ARID3A: variants seen among roughly 807,000 people sequenced by gnomAD.
ARID3A encodes AT-rich interaction domain 3A.
A neutral mutation model predicts 52.7 loss-of-function variants in ARID3A; 11 were observed. The observed-to-expected ratio is 0.21, with a 90% confidence interval of 0.13 to 0.35. The LOEUF (loss-of-function observed/expected upper bound fraction) is 0.35, where lower values mean the gene tolerates loss of function less well. Among genes scored for constraint, ARID3A ranks in the 10% least tolerant of loss-of-function variants. The pLI, the probability that ARID3A is intolerant of heterozygous loss-of-function variation, is 1.00. For synonymous variants in ARID3A, 404 were observed against 359.4 expected (o/e 1.12, Z -1.40); for missense variants, 721 against 838.5 (o/e 0.86, Z 1.73).
intron 3 of ARID3A, among the ~76,000 whole-genome samples, chr19:945,542 A>G (rs1384723511): frequency 1.3e-5 from 2 of 152,172 alleles, no homozygotes; most frequent in Non-Finnish European, 2.9e-5. Context: ...GCTGCTGCCC[A>G]TGGTAGGGGC....
intron 2 of ARID3A, among the ~76,000 whole-genome samples, chr19:931,769 C>T (rs1348243197): frequency 7.3e-5 from 11 of 149,794 alleles, no homozygotes; most frequent in South Asian, 2.2e-4. Flanking sequence ...GCCGAGATTG[C>T]GCCGTTGCAC....
chr19:935,814 G>T (rs368725013), intron 3 of ARID3A, among the ~76,000 whole-genome samples: 3 of 151,852 alleles, frequency 2.0e-5, no homozygotes, highest in Admixed American at 2.0e-4. Context: ...TTTTTGAGAC[G>T]GAGTCTCGCT....
intron 2 of ARID3A, among the ~76,000 whole-genome samples, chr19:931,153 G>C (rs1020826807): frequency 6.6e-6 from 1 of 152,072 alleles, no homozygotes; most frequent in African/African-American, 2.4e-5. Context: ...AATTAGTCGG[G>C]TGTTGTGGCA....
rs2038124181 is a variant in ARID3A at position 965,214 on chromosome 19, C to G, written c.1198+134C>G. 1.1e-5 allele frequency: 12 copies of G among 1,048,262 alleles called. No individual in the cohort carries two copies. In the East Asian group the frequency reaches 3.2e-4, roughly 28 times the overall value. The allele number at this position is 1,048,262 out of a possible 1,614,324, so 64.9% of individuals were successfully genotyped here. A position where few individuals can be genotyped will look rare whatever the true frequency, so the allele number is the denominator to read the frequency against. On this transcript the variant is annotated intron_variant, in intron 6 of 8. Transcript: ENST00000263620. Reference sequence around the variant, plus strand: ...CTATAGTTGGCATGGAAAAGGGCTTCCAATCTACCAGTCCTCTGCCTATGG... The same window carrying G: ...CTATAGTTGGCATGGAAAAGGGCTTGCAATCTACCAGTCCTCTGCCTATGG...
At position 942,366 on chromosome 19, in the gene ARID3A, G is replaced by A. The variant is rs996970501; in HGVS notation, c.693+9624G>A. The stretch of plus-strand genomic sequence containing the variant: ...GGTGGCACCCAGGGGCGTCACCCAC[G>A]AGGGACGCTTGACTCAAGGTCCTCT... On this transcript the variant is annotated intron_variant, in intron 3 of 8. Coordinates refer to ENST00000263620, the MANE Select transcript of ARID3A (RefSeq NM_005224.3). This position sits in a 1 kb window ranked among gnomAD's most constrained non-coding sequence, Gnocchi z 8.1. Among the ~76,000 whole-genome samples, 3 of 152,284 alleles carry A rather than the reference G, an allele frequency of 2.0e-5. No homozygotes were observed. The highest frequency in any genetic ancestry group is 1.9e-4 in the East Asian group (1 of 5,178).
At chr19:953,864 A>G (rs1027349758) in intron 3 of ARID3A, among the ~76,000 whole-genome samples, 1 of 152,180 alleles carries the variant, frequency 6.6e-6, no homozygotes, top group Admixed American at 6.5e-5. Context: ...ACTTAAGGCC[A>G]GGAGTTTGAG....
intron 6 of ARID3A, among the ~76,000 whole-genome samples, chr19:965,916 C>T (rs1257656640): frequency 6.6e-6 from 1 of 151,244 alleles, no homozygotes; most frequent in East Asian, 1.9e-4. Flanking sequence ...CGCTTGAACC[C>T]AGGTGGCAGA....
intron 7 of ARID3A, among the ~76,000 whole-genome samples, chr19:967,440 C>G (rs1178970975): frequency 1.3e-5 from 2 of 151,498 alleles, no homozygotes; most frequent in Non-Finnish European, 2.9e-5. Flanking sequence ...GCTCCTGTAG[C>G]CCCAGCTACT....
At chr19:933,411 G>A (rs1018443212) in intron 3 of ARID3A, among the ~76,000 whole-genome samples, 2 of 152,160 alleles carry the variant, frequency 1.3e-5, no homozygotes, top group African/African-American at 4.8e-5. Context: ...AAGTTGGGCC[G>A]TGCTGGGCCG....
At chr19:932,204 A>G (rs970647058) in intron 2 of ARID3A, among the ~76,000 whole-genome samples, 1 of 152,018 alleles carries the variant, frequency 6.6e-6, no homozygotes, top group African/African-American at 2.4e-5. Flanking sequence ...CGCTGTAGGG[A>G]CGGCTTGTGC....
At position 973,104 on chromosome 19, in the gene ARID3A, A is replaced by ATTTTTCTTTTTTTTTTTTTT. The variant is rs2038314957; in HGVS notation, c.*1044_*1045insCTTTTTTTTTTTTTTTTTTT. 1 of 53,488 alleles carries ATTTTTCTTTTTTTTTTTTTT rather than the reference A, an allele frequency of 1.9e-5. No homozygotes were observed. Among genetic ancestry groups the ATTTTTCTTTTTTTTTTTTTT allele is most frequent in the African/African-American group, 7.0e-5 (1 of 14,224 alleles). 3.3% of individuals were successfully genotyped at this position (53,488 alleles called of 1,614,324 possible). A position where few individuals can be genotyped will look rare whatever the true frequency, so the allele number is the denominator to read the frequency against. On this transcript the variant is annotated 3_prime_UTR_variant, in exon 9 of 9. Coordinates refer to ENST00000263620, the MANE Select transcript of ARID3A (RefSeq NM_005224.3). ...GGGCTCTCGAGTCAGGGGCCTGGAA[A>ATTTTTCTTTTTTTTTTTTTT]TTTTTTTTTTTTTTTTTTTTTGAGA... is the stretch of plus-strand genomic sequence containing the variant.
At position 974,165 on chromosome 19, in the gene ARID3A, C is replaced by T. The variant is rs1477927022; in HGVS notation, c.*2100C>T. The T allele has an allele frequency of 1.8e-5, 4 of 225,408 alleles. No individual in the cohort carries two copies. In the East Asian group the frequency reaches 2.5e-4, roughly 14 times the overall value. The allele number at this position is 225,408 out of a possible 1,614,324, so 14.0% of individuals were successfully genotyped here. The stretch of plus-strand genomic sequence containing the variant: ...GGGAGGGGGCTGGGGGGCTTCTGAG[C>T]CCCTGAGTCTAGGTTCACTTTCCCG... On this transcript the variant is annotated 3_prime_UTR_variant, in exon 9 of 9. Transcript: ENST00000263620.
Position 974,712 on chromosome 19 carries a change from A to AG in ARID3A, c.*2650dup. 1 of 231,120 alleles carries AG rather than the reference A, an allele frequency of 4.3e-6. No homozygotes were observed. Among genetic ancestry groups the AG allele is most frequent in the African/African-American group, 2.2e-5 (1 of 45,208 alleles). The allele number at this position is 231,120 out of a possible 1,614,324, so 14.3% of individuals were successfully genotyped here. ...CCTGGGGAGGGGCCGTGCAGGGTCG[A>AG]GGGCTGGGTCGTCTCCCTCGGGCTG... is the stretch of plus-strand genomic sequence containing the variant. On this transcript the variant is annotated 3_prime_UTR_variant, in exon 9 of 9. Transcript: ENST00000263620.
At position 929,868 on chromosome 19, in the gene ARID3A, T is replaced by C; in HGVS notation, c.340T>C (p.Phe114Leu). 6.5e-7 allele frequency: 1 copy of C among 1,543,552 alleles called. No homozygotes were observed. Residue 114 changes from phenylalanine (F) to leucine (L), a missense_variant, in exon 2 of 9, where the codon TTT (phenylalanine) becomes CTT (leucine). Phe to Leu is a conservative substitution (Grantham distance 22). Around this residue, in one of 5 missense-constraint regions of ARID3A, gnomAD observed 349 missense variants for 297.3 expected, o/e 1.17. Transcript: ENST00000263620. The surrounding 1 kb of genome is among the most constrained non-coding windows in gnomAD (Gnocchi z 6.2). ...CAGAGAAGGGCCAGGAGAGGAGCAC[T>C]TTGAGGACATGGCCTCCGACGAGGA... ...RGREGPGEEH[F>L]EDMASDEDMK...
At chr19:934,462 G>A (rs2037398740) in intron 3 of ARID3A, among the ~76,000 whole-genome samples, 1 of 152,256 alleles carries the variant, frequency 6.6e-6, no homozygotes, top group Non-Finnish European at 1.5e-5. Context: ...CGCGGGTCAG[G>A]GTTGTAGGTG....
In ARID3A at chr19:942,580, C is replaced by T. The variant is rs2037579784; in HGVS notation, c.693+9838C>T. 6.6e-6 allele frequency among the ~76,000 whole-genome samples: 1 copy of T among 152,228 alleles called. No individual in the cohort carries two copies. The highest frequency in any genetic ancestry group is 1.5e-5 in the Non-Finnish European group (1 of 68,040). On this transcript the variant is annotated intron_variant, in intron 3 of 8. Coordinates refer to ENST00000263620, the MANE Select transcript of ARID3A (RefSeq NM_005224.3). The surrounding 1 kb of genome is among the most constrained non-coding windows in gnomAD (Gnocchi z 8.1). ...AGGCCCAAGCGCCGGGATATGCAGCCTTGCCCCTTGGTCAGGGCTGGGCTG... is the reference window on the plus strand; with the variant it reads ...AGGCCCAAGCGCCGGGATATGCAGCTTTGCCCCTTGGTCAGGGCTGGGCTG...
rs113750778 is a variant in ARID3A, at chr19:974,156, G to T, written c.*2091G>T. ...AGACCCCTGGGGAGGGGGCTGGGGG[G>T]CTTCTGAGCCCCTGAGTCTAGGTTC... is the stretch of plus-strand genomic sequence containing the variant. On this transcript the variant is annotated 3_prime_UTR_variant, in exon 9 of 9. Coordinates refer to ENST00000263620, the MANE Select transcript of ARID3A (RefSeq NM_005224.3). 6.2e-5 allele frequency: 14 copies of T among 225,792 alleles called. No individual in the cohort carries two copies. Among genetic ancestry groups the T allele is most frequent in the Admixed American group, 5.7e-4 (10 of 17,536 alleles). 14.0% of individuals were successfully genotyped at this position (225,792 alleles called of 1,614,324 possible). A position where few individuals can be genotyped will look rare whatever the true frequency, so the allele number is the denominator to read the frequency against.
At chr19:948,671 T>C (rs898831511) in intron 3 of ARID3A, among the ~76,000 whole-genome samples, 2 of 147,070 alleles carry the variant, frequency 1.4e-5, no homozygotes, top group East Asian at 2.1e-4. Context: ...CTGGACTCTG[T>C]GGGGAGGGGA....
At chr19:951,421 G>A (rs2037801052) in intron 3 of ARID3A, among the ~76,000 whole-genome samples, 1 of 152,068 alleles carries the variant, frequency 6.6e-6, no homozygotes, top group South Asian at 2.1e-4. Flanking sequence ...GCCAGGAGTG[G>A]TGGCAGGTGC....
Sources: allele counts gnomAD v4.1 joint callset (sites outside exome capture counted in the v4.1 genomes callset), GRCh38; gene constraint gnomAD v4.1.1; regional missense constraint gnomAD v4.1.1; non-coding constraint Gnocchi (gnomAD v3.1); transcripts MANE v1.5; gene names NCBI Gene and HGNC (gene_info 2026-07-23, HGNC 2026-07-21).